SETD9: variants seen among roughly 807,000 people sequenced by gnomAD.
SETD9 encodes the protein SET domain-containing protein 9.
A neutral mutation model predicts 36.4 loss-of-function variants in SETD9; 37 were observed. The ratio of observed to expected loss-of-function variants is 1.02; its 90% CI spans 0.78 to 1.34. The LOEUF (loss-of-function observed/expected upper bound fraction) is 1.34, where lower values mean the gene tolerates loss of function less well. Ranked by LOEUF, SETD9 falls within the 40% of genes most tolerant of loss-of-function variation. SETD9 has a pLI of 0.00. For missense variants in SETD9, 323 were observed against 353.2 expected (o/e 0.91, Z 0.69); for synonymous variants, 128 against 132.9 (o/e 0.96, Z 0.26).
chr5:56,909,776 C>A, intron 1 of SETD9, 33 bp downstream of exon 1: 1 of 1,585,496 alleles, frequency 6.3e-7, no homozygotes, highest in Non-Finnish European at 8.6e-7. Context: ...CGAGGGGCAC[C>A]TGCCTTCGGT....
At chr5:56,923,877 TA>T (rs1369624204) in intron 5 of SETD9, 1 of 1,614,014 alleles carries the variant, frequency 6.2e-7, no homozygotes, top group African/African-American at 1.3e-5. Flanking sequence ...ATATTACAGT[TA>T]AAAGTAAGTC....
chr5:56,925,220 T>A (rs1749906009), intron 5 of SETD9: 1 of 343,966 alleles, frequency 2.9e-6, no homozygotes, highest in Non-Finnish European at 5.6e-6. Flanking sequence ...ATACAGAAAG[T>A]GTGAAATTTT....
rs1312873107 is a variant in SETD9 at position 56,909,715 on chromosome 5, A to G, written c.70A>G (p.Ile24Val). The change falls in exon 1 of 6, where the codon ATC becomes GTC. Residue 24 changes from isoleucine (I) to valine (V), a missense_variant. Transcript: ENST00000285947. ...TTACAAGTACCGCTTCGTTCCCTGG[A>G]TCGCACTGAACCTAAGCCACAACCC... ...RRYKYRFVPW[I>V]ALNLSHNPRT... The G allele has an allele frequency of 3.7e-6, 6 of 1,611,378 alleles. No individual in the cohort carries two copies. Among genetic ancestry groups the G allele is most frequent in the Non-Finnish European group, 4.2e-6 (5 of 1,179,046 alleles).
At chr5:56,912,845 T>C (rs1749216517) in intron 2 of SETD9, among the ~76,000 whole-genome samples, 166 bp from the exon 3 acceptor site, 1 of 152,236 alleles carries the variant, frequency 6.6e-6, no homozygotes, top group Non-Finnish European at 1.5e-5. Context: ...TCTGTTTTGC[T>C]GTGTGGATGA....
chr5:56,909,835 T>C (rs252923), intron 1 of SETD9, 92 bp downstream of exon 1: 3 of 1,084,660 alleles, frequency 2.8e-6, no homozygotes, highest in Non-Finnish European at 3.8e-6. Context: ...AGCCTGAGGC[T>C]GACTGCCGGC....
intron 5 of SETD9, chr5:56,922,911 T>C (rs1397591173): frequency 1.8e-6 from 1 of 546,908 alleles, no homozygotes; most frequent in Non-Finnish European, 3.3e-6. Context: ...CAGAGTTCAA[T>C]CTTAGTTCCC....
chr5:56,926,376 A>G (rs932799859), downstream of SETD9, among the ~76,000 whole-genome samples: 4 of 152,154 alleles, frequency 2.6e-5, no homozygotes, highest in African/African-American at 7.2e-5. Flanking sequence ...AAATATACAA[A>G]TAACTCCTTA....
chr5:56,909,666 G>C lies in SETD9; in HGVS notation c.21G>C (p.Arg7=). MPGRLL[R]GLWQRWRRYK... is the part of the protein sequence containing the mutation. Reference sequence around the variant, plus strand: ...CAGCCATGCCTGGCCGTCTGCTGCGGGGCCTGTGGCAGCGATGGCGCCGTT... The same window carrying C: ...CAGCCATGCCTGGCCGTCTGCTGCGCGGCCTGTGGCAGCGATGGCGCCGTT... The change falls in exon 1 of 6, where the codon CGG becomes CGC. Residue 7 remains arginine (R), a synonymous_variant. Coordinates refer to ENST00000285947, the MANE Select transcript of SETD9 (RefSeq NM_153706.4). 6.2e-7 allele frequency: 1 copy of C among 1,609,390 alleles called. No individual in the cohort carries two copies. Among genetic ancestry groups the C allele is most frequent in the South Asian group, 1.1e-5 (1 of 90,578 alleles).
chr5:56,927,798 A>G (rs770417553), downstream of SETD9: 2 of 152,194 alleles, frequency 1.3e-5, no homozygotes, highest in Non-Finnish European at 2.9e-5. Flanking sequence ...GTGTAATTAC[A>G]TGTCTCTATC....
chr5:56,924,452 G>A (rs1749860026), intron 5 of SETD9, among the ~76,000 whole-genome samples: 1 of 152,160 alleles, frequency 6.6e-6, no homozygotes, highest in Non-Finnish European at 1.5e-5. Context: ...ATTTCATTGA[G>A]ATCTATTAAT....
downstream of SETD9, among the ~76,000 whole-genome samples, chr5:56,925,723 CAA>C (rs1749940684): frequency 6.6e-6 from 1 of 152,052 alleles, no homozygotes; most frequent in African/African-American, 2.4e-5. Context: ...AAAATCCCAG[CAA>C]GTTATTTTGT....
downstream of SETD9, chr5:56,920,909 T>C (rs562705833): frequency 2.0e-5 from 3 of 152,690 alleles, no homozygotes; most frequent in African/African-American, 4.8e-5. Context: ...TAAAATCAGA[T>C]TGACATTTAA....
chr5:56,925,285 A>G (rs1233679144), intron 5 of SETD9: 4 of 448,498 alleles, frequency 8.9e-6, no homozygotes, highest in African/African-American at 6.0e-5. Context: ...AAAGAAATAA[A>G]AAGTATACAG....
rs773557826 is a variant in SETD9 at position 56,911,183 on chromosome 5, TTCCAGAGGAA to T, written c.118_127del (p.Glu40LysfsTer11). ...CCCATTTTCAGGACCCTCCGATATG[TTCCAGAGGAA>T]TCCAAAGACAAAGTTATCTCAGATG... On this transcript the variant is annotated frameshift_variant, in exon 2 of 6. Coordinates refer to ENST00000285947, the MANE Select transcript of SETD9 (RefSeq NM_153706.4). LOFTEE classifies it high-confidence loss of function. 2.6e-6 allele frequency: 4 copies of T among 1,561,314 alleles called. No individual in the cohort carries two copies. In the South Asian group the frequency reaches 5.0e-5, roughly 19 times the overall value.
chr5:56,922,989 A>G, intron 5 of SETD9: 1 of 657,824 alleles, frequency 1.5e-6, no homozygotes, highest in South Asian at 2.0e-5. Context: ...TGATAAATCA[A>G]GATATAGTTC....
Position 56,914,912 on chromosome 5 carries a change from C to T in SETD9, c.758C>T (p.Pro253Leu), listed in dbSNP as rs755659371. Residue 253 changes from proline to leucine, a missense_variant, in exon 5 of 6, where the codon CCT becomes CTT. Transcript: ENST00000285947. Reference protein sequence around the residue: ...YQEFDVPAVFPIELKQYLPNI... With the variant: ...YQEFDVPAVFLIELKQYLPNI... ...GAATTTGATGTGCCTGCAGTTTTCC[C>T]TATAGAACTGAAGCAGTATCTTCCA... is the stretch of plus-strand genomic sequence containing the variant. The T allele has an allele frequency of 1.2e-6, 2 of 1,602,024 alleles. No homozygotes were observed. Among genetic ancestry groups the T allele is most frequent in the South Asian group, 2.2e-5 (2 of 89,578 alleles).
Position 56,909,673 on chromosome 5 carries a change from T to A in SETD9, c.28T>A (p.Trp10Arg), listed in dbSNP as rs768019675. 6.2e-7 allele frequency: 1 copy of A among 1,609,406 alleles called. No homozygotes were observed. Among genetic ancestry groups the A allele is most frequent in the Non-Finnish European group, 8.5e-7 (1 of 1,178,494 alleles). Residue 10 changes from tryptophan (W) to arginine (R), a missense_variant, in exon 1 of 6, where the codon TGG becomes AGG. Coordinates refer to ENST00000285947, the MANE Select transcript of SETD9 (RefSeq NM_153706.4). MPGRLLRGL[W>R]QRWRRYKYRF... Reference sequence around the variant, plus strand: ...GCCTGGCCGTCTGCTGCGGGGCCTGTGGCAGCGATGGCGCCGTTACAAGTA... The same window carrying A: ...GCCTGGCCGTCTGCTGCGGGGCCTGAGGCAGCGATGGCGCCGTTACAAGTA...
rs759481112 is a variant in SETD9 at position 56,913,120 on chromosome 5, A to G, written c.576A>G (p.Ser192=). 1.9e-6 allele frequency: 3 copies of G among 1,614,108 alleles called. No homozygotes were observed. Among genetic ancestry groups the G allele is most frequent in the Non-Finnish European group, 2.5e-6 (3 of 1,179,996 alleles). Residue 192 remains serine, a synonymous_variant, in exon 3 of 6, where the codon TCA becomes TCG. Coordinates refer to ENST00000285947, the MANE Select transcript of SETD9 (RefSeq NM_153706.4). The stretch of plus-strand genomic sequence containing the variant: ...TTGATGGGAATGACAAAGGGATATC[A>G]AAAGTTGTGTACAGGTAAGTGATGC... ...VLIDGNDKGI[S]KVVYRSCNGR...
At chr5:56,913,750 A>G in intron 3 of SETD9, 124 bp from the exon 4 acceptor site, 1 of 620,996 alleles carries the variant, frequency 1.6e-6, no homozygotes, top group East Asian at 2.7e-5. Flanking sequence ...TGCCCTACTG[A>G]TTATACTAAA....
Sources: allele counts gnomAD v4.1 joint callset (sites outside exome capture counted in the v4.1 genomes callset), GRCh38; gene constraint gnomAD v4.1.1; transcripts MANE v1.5; gene names NCBI Gene and HGNC (gene_info 2026-07-23, HGNC 2026-07-21).